The following DGKH variants were observed in gnomAD, a reference collection of about 807,000 sequenced individuals.
The protein encoded by DGKH is DAG kinase eta.
A neutral mutation model predicts 159.3 loss-of-function variants in DGKH; 90 were observed. The observed-to-expected ratio is 0.57, with a 90% CI of 0.48 to 0.67. The LOEUF is 0.67. Among genes scored for constraint, DGKH ranks in the 30% least tolerant of loss-of-function variants. DGKH has a pLI of 0.00. For missense variants in DGKH, 1,181 were observed against 1,506.1 expected (o/e 0.78, Z 3.57); for synonymous variants, 536 against 553.8 (o/e 0.97, Z 0.45).
At chr13:42,195,152 C>T (rs557661321) in intron 17 of DGKH, 136 bp downstream of exon 17, 8 of 1,207,142 alleles carry the variant, frequency 6.6e-6, no homozygotes, top group Non-Finnish European at 8.9e-6. Context: ...TACTTTCAGT[C>T]AGAATCCAGG....
chr13:42,104,273 C>A (rs897192774), intron 1 of DGKH, among the ~76,000 whole-genome samples: 1 of 152,134 alleles, frequency 6.6e-6, no homozygotes, highest in Non-Finnish European at 1.5e-5. Context: ...TGCCATTTCT[C>A]CCCCCCAGGG....
chr13:42,197,930 A>AT (rs1046357817), intron 17 of DGKH, among the ~76,000 whole-genome samples: 3 of 152,118 alleles, frequency 2.0e-5, no homozygotes, highest in African/African-American at 7.2e-5. Flanking sequence ...AAGAGGCTTC[A>AT]TTTTTTATAT....
chr13:42,124,938 G>C (rs750715204), intron 1 of DGKH, among the ~76,000 whole-genome samples: 37 of 152,092 alleles, frequency 2.4e-4, no homozygotes, highest in Non-Finnish European at 4.6e-4. Flanking sequence ...TTCCTCTCAG[G>C]AGACCTCTCT....
chr13:42,255,196 TA>T (rs1958649120), intron 30 of DGKH, among the ~76,000 whole-genome samples: 1 of 151,836 alleles, frequency 6.6e-6, no homozygotes, highest in South Asian at 2.1e-4. Flanking sequence ...TTAACCATGC[TA>T]TTAATCTTTT....
At chr13:42,092,554 T>C (rs925562139) in intron 1 of DGKH, among the ~76,000 whole-genome samples, 11 of 151,970 alleles carry the variant, frequency 7.2e-5, no homozygotes, top group Admixed American at 2.0e-4. Context: ...GTGAATCTTA[T>C]TGAGATAGAG....
At chr13:42,227,447 A>G (rs1958161723) in intron 29 of DGKH, among the ~76,000 whole-genome samples, 6 of 152,196 alleles carry the variant, frequency 3.9e-5, no homozygotes, top group Admixed American at 3.9e-4. Context: ...TATATTTTGT[A>G]GTTGCATACC....
intron 3 of DGKH, among the ~76,000 whole-genome samples, chr13:42,134,032 C>T (rs1474999832): frequency 6.6e-6 from 1 of 152,294 alleles, no homozygotes; most frequent in African/African-American, 2.4e-5. Context: ...GCCATCCCTC[C>T]TCTTGCTGAA....
At chr13:42,065,974 T>A (rs1050652985) in intron 1 of DGKH, 1 of 152,280 alleles carries the variant, frequency 6.6e-6, no homozygotes, top group South Asian at 2.1e-4. Flanking sequence ...CTTGGCTCAC[T>A]GCAACCTCTG....
chr13:42,100,451 T>G (rs959135661), intron 1 of DGKH, among the ~76,000 whole-genome samples: 4 of 151,688 alleles, frequency 2.6e-5, no homozygotes, highest in African/African-American at 9.7e-5. Context: ...AACCACCCCC[T>G]CCACCCCCGA....
At chr13:42,058,326 T>C (rs560247428) in intron 1 of DGKH, among the ~76,000 whole-genome samples, 74 of 152,364 alleles carry the variant, frequency 4.9e-4, no homozygotes, top group Non-Finnish European at 9.0e-4. Flanking sequence ...TAGGACCTAC[T>C]GTACATCATT....
intron 9 of DGKH, 73 bp downstream of exon 9, chr13:42,166,747 T>A: frequency 7.7e-7 from 1 of 1,303,018 alleles, no homozygotes; most frequent in Non-Finnish European, 1.0e-6. Flanking sequence ...GTTTTTCAGC[T>A]CATGAAAATT....
intron 29 of DGKH, among the ~76,000 whole-genome samples, chr13:42,228,473 A>G (rs751984312): frequency 1.3e-5 from 2 of 152,164 alleles, no homozygotes; most frequent in African/African-American, 2.4e-5. Context: ...AGATACTGGT[A>G]TCTTTCTCTA....
intron 1 of DGKH, among the ~76,000 whole-genome samples, chr13:42,121,651 T>C (rs1955074027): frequency 6.6e-6 from 1 of 152,256 alleles, no homozygotes. Context: ...TCTGCAGCTA[T>C]GTCAGGACTC....
chr13:42,218,563 C>G (rs983688637), intron 26 of DGKH, among the ~76,000 whole-genome samples: 14 of 140,778 alleles, frequency 9.9e-5, no homozygotes, highest in Non-Finnish European at 1.9e-4. Context: ...GGCTGGAGTG[C>G]AGTGGCGCTA....
At chr13:42,125,491 G>T (rs1473934662) in intron 1 of DGKH, among the ~76,000 whole-genome samples, 1 of 152,186 alleles carries the variant, frequency 6.6e-6, no homozygotes, top group South Asian at 2.1e-4. Context: ...TAGAGTTGGG[G>T]TAATTTGTCC....
At chr13:42,219,400 G>C (rs1312247764) in intron 27 of DGKH, 51 bp downstream of exon 27, 1 of 1,581,096 alleles carries the variant, frequency 6.3e-7, no homozygotes, top group East Asian at 2.2e-5. Context: ...TATTGCTATA[G>C]AATTTGAACT....
At position 42,230,290 on chromosome 13, in the gene DGKH, G is replaced by A. The variant is rs927014337; in HGVS notation, c.*1102G>A. ...TCACCCGCTCTCTACAGTGACTTCT[G>A]ACACGATCTTCCAAACAGAAGGGAT... On this transcript the variant is annotated 3_prime_UTR_variant, in exon 30 of 30. Transcript: ENST00000337343. The A allele has an allele frequency of 1.3e-5, 2 of 152,092 alleles. No individual in the cohort carries two copies. The highest frequency in any genetic ancestry group is 4.8e-5 in the African/African-American group (2 of 41,408). 9.4% of individuals were successfully genotyped at this position (152,092 alleles called of 1,614,324 possible). A position where few individuals can be genotyped will look rare whatever the true frequency, so the allele number is the denominator to read the frequency against.
intron 1 of DGKH, among the ~76,000 whole-genome samples, chr13:42,122,609 T>C (rs933628879): frequency 6.6e-6 from 1 of 152,200 alleles, no homozygotes; most frequent in Non-Finnish European, 1.5e-5. Flanking sequence ...TTGAAGGCTC[T>C]AGGTCTCAAC....
chr13:42,219,423 A>G, intron 27 of DGKH, 74 bp downstream of exon 27: 3 of 1,550,454 alleles, frequency 1.9e-6, no homozygotes, highest in Non-Finnish European at 2.6e-6. Context: ...TCTTTGAAAA[A>G]GAGATATTTA....
Sources: allele counts gnomAD v4.1 joint callset (sites outside exome capture counted in the v4.1 genomes callset), GRCh38; gene constraint gnomAD v4.1.1; transcripts MANE v1.5; gene names NCBI Gene and HGNC (gene_info 2026-07-23, HGNC 2026-07-21).